GPATCH3: variants seen among roughly 807,000 people sequenced by gnomAD.
GPATCH3 encodes the protein G patch domain-containing protein 3.
Under a neutral mutation model 53.2 loss-of-function variants are expected in GPATCH3, and 45 were observed. The observed-to-expected ratio is 0.85, with a 90% CI of 0.67 to 1.08. GPATCH3 has a LOEUF of 1.08. Among genes scored for constraint, GPATCH3 ranks in the 50% least tolerant of loss-of-function variants. GPATCH3 has a pLI of 0.00. For synonymous variants in GPATCH3, 280 were observed against 270.6 expected (o/e 1.03, Z -0.34); for missense variants, 680 against 687.2 (o/e 0.99, Z 0.12).
rs267598527 is a variant in GPATCH3, at chr1:26,897,356, C to T, written c.821G>A (p.Gly274Glu). The T allele has an allele frequency of 6.2e-7, 1 of 1,614,190 alleles. No homozygotes were observed. Among genetic ancestry groups the T allele is most frequent in the South Asian group, 1.1e-5 (1 of 91,076 alleles). Residue 274 changes from glycine to glutamate, a missense_variant, in exon 2 of 7, where the codon GGA becomes GAA. Coordinates refer to ENST00000361720, the MANE Select transcript of GPATCH3 (RefSeq NM_022078.3). The stretch of plus-strand genomic sequence containing the variant: ...CTTCCCCACTTCTTCCTCAGGCTCT[C>T]CACAGGGGCTGGCTGGTATATCTGC... ...YLADIPASPC[G>E]EPEEEVGKEE...
chr1:26,896,158 C>T (rs2124024895), intron 2 of GPATCH3, among the ~76,000 whole-genome samples: 1 of 152,236 alleles, frequency 6.6e-6, no homozygotes, highest in Non-Finnish European at 1.5e-5. Context: ...CACATTATGA[C>T]AGCACGCACA....
At chr1:26,892,904 T>C in intron 4 of GPATCH3, 113 bp from the exon 5 acceptor site, 1 of 1,304,196 alleles carries the variant, frequency 7.7e-7, no homozygotes, top group Middle Eastern at 2.3e-4. Context: ...GTGTTCTGTA[T>C]CTCTCTCATT....
At position 26,900,455 on chromosome 1, in the gene GPATCH3, C is replaced by T. The variant is rs540130187; in HGVS notation, c.-13G>A. ...CGGGCACCGCCATCTTGGATTGTCACATGATCAGCTAGAACCAAGTCTCGC... is the reference window on the plus strand; with the variant it reads ...CGGGCACCGCCATCTTGGATTGTCATATGATCAGCTAGAACCAAGTCTCGC... On this transcript the variant is annotated 5_prime_UTR_variant, in exon 1 of 7. It adds an upstream start codon to the 5' untranslated region. Transcript: ENST00000361720. 6.2e-7 allele frequency: 1 copy of T among 1,603,470 alleles called. No individual in the cohort carries two copies. Among genetic ancestry groups the T allele is most frequent in the East Asian group, 2.2e-5 (1 of 44,718 alleles).
chr1:26,891,600 G>T (rs932298081), intron 6 of GPATCH3, among the ~76,000 whole-genome samples: 1 of 151,896 alleles, frequency 6.6e-6, no homozygotes, highest in Non-Finnish European at 1.5e-5. Context: ...AGGCTGGATT[G>T]TAATGGCGTG....
chr1:26,898,355 A>C (rs2081959900), intron 1 of GPATCH3, among the ~76,000 whole-genome samples: 1 of 151,942 alleles, frequency 6.6e-6, no homozygotes, highest in Admixed American at 6.6e-5. Context: ...TCACTCTGTC[A>C]CCCAGACTGG....
intron 3 of GPATCH3, among the ~76,000 whole-genome samples, 159 bp downstream of exon 3, chr1:26,894,077 T>G (rs888601634): frequency 3.9e-5 from 6 of 152,112 alleles, no homozygotes; most frequent in African/African-American, 1.4e-4. Context: ...TGATCCCCAC[T>G]CTTAAAAAGG....
intron 4 of GPATCH3, among the ~76,000 whole-genome samples, chr1:26,893,094 C>T (rs1045759581): frequency 6.6e-6 from 1 of 152,184 alleles, no homozygotes; most frequent in Non-Finnish European, 1.5e-5. Context: ...AAAATCTAAA[C>T]CCTTACTAGA....
Position 26,897,281 on chromosome 1 carries a change from G to A in GPATCH3, c.876+20C>T. On this transcript the variant is annotated intron_variant, in intron 2 of 6. Coordinates refer to ENST00000361720, the MANE Select transcript of GPATCH3 (RefSeq NM_022078.3). ...CCTCTTTCAGCTGCCAGCAAGGACA[G>A]GGTAGCACACTGTACTCACCTCATC... 1 of 1,611,000 alleles carries A rather than the reference G, an allele frequency of 6.2e-7. No homozygotes were observed. The highest frequency in any genetic ancestry group is 8.5e-7 in the Non-Finnish European group (1 of 1,177,924).
chr1:26,893,386 T>C lies in GPATCH3; in HGVS notation c.1111+3A>G, dbSNP rs202160959. 10 of 1,611,718 alleles carry C rather than the reference T, an allele frequency of 6.2e-6. No homozygotes were observed. Among genetic ancestry groups the C allele is most frequent in the African/African-American group, 1.3e-5 (1 of 74,884 alleles). On this transcript the variant is annotated splice_donor_region_variant and intron_variant, in intron 4 of 6. Transcript: ENST00000361720. ...TCCAGTATTGCCACTCCTTGCCCAG[T>C]ACCTCTGTCATAGTACACACTCATG...
Position 26,893,388 on chromosome 1 carries a change from CCT to C in GPATCH3, c.1110_1111del (p.Asp371TrpfsTer36), listed in dbSNP as rs2081936953. The C allele has an allele frequency of 6.2e-7, 1 of 1,611,954 alleles. No homozygotes were observed. Among genetic ancestry groups the C allele is most frequent in the African/African-American group, 1.3e-5 (1 of 74,898 alleles). On this transcript the variant is annotated frameshift_variant and splice_region_variant, in exon 4 of 7. Coordinates refer to ENST00000361720, the MANE Select transcript of GPATCH3 (RefSeq NM_022078.3). LOFTEE classifies it high-confidence loss of function. ...CAGTATTGCCACTCCTTGCCCAGTA[CCT>C]CTGTCATAGTACACACTCATGTCCA...
rs191910281 is a variant in GPATCH3 at position 26,894,427 on chromosome 1, G to A, written c.877-17C>T. The A allele has an allele frequency of 2.2e-4, 362 of 1,612,536 alleles. No homozygotes were observed. The African/African-American group carries it at 4.3e-3, about 19-fold the overall frequency. On this transcript the variant is annotated splice_polypyrimidine_tract_variant and intron_variant, in intron 2 of 6. Transcript: ENST00000361720. ...GTCATCGTCCTAAAAGGCAGGGAGA[G>A]GTGATTTGCCTGAGCTTCCTGACCT...
rs199785938 is a variant in GPATCH3 at position 26,893,460 on chromosome 1, G to A, written c.1052-12C>T. The A allele has an allele frequency of 6.5e-7, 1 of 1,545,832 alleles. No individual in the cohort carries two copies. The highest frequency in any genetic ancestry group is 1.7e-5 in the Admixed American group (1 of 57,582). ...CTGTTCATCAAAATCTGTAGGGACA[G>A]AAAAGCATCCAACAGAGTACATTAA... On this transcript the variant is annotated splice_polypyrimidine_tract_variant and intron_variant, in intron 3 of 6. Coordinates refer to ENST00000361720, the MANE Select transcript of GPATCH3 (RefSeq NM_022078.3).
intron 6 of GPATCH3, among the ~76,000 whole-genome samples, chr1:26,891,600 G>A (rs932298081): frequency 1.3e-5 from 2 of 151,896 alleles, no homozygotes; most frequent in South Asian, 2.1e-4. Flanking sequence ...AGGCTGGATT[G>A]TAATGGCGTG....
chr1:26,893,505 G>C (rs1167767081), intron 3 of GPATCH3, 57 bp from the exon 4 acceptor site: 17 of 814,142 alleles, frequency 2.1e-5, no homozygotes, highest in East Asian at 3.5e-5. Context: ...GTTCTATTAA[G>C]AGTTAAACCT....
Position 26,896,097 on chromosome 1 carries a change from T to C in GPATCH3, c.876+1204A>G, listed in dbSNP as rs189418228. 2.0e-5 allele frequency among the ~76,000 whole-genome samples: 3 copies of C among 152,316 alleles called. No homozygotes were observed. The South Asian group carries it at 6.2e-4, about 32-fold the overall frequency. On this transcript the variant is annotated intron_variant, in intron 2 of 6. Transcript: ENST00000361720. The stretch of plus-strand genomic sequence containing the variant: ...TCACTAATGAAGTGAGAGTGGAGGC[T>C]ACTGTTCAATCTGCTGACTCTAGGT...
chr1:26,894,490 A>G, intron 2 of GPATCH3, 80 bp from the exon 3 acceptor site: 2 of 1,357,482 alleles, frequency 1.5e-6, no homozygotes, highest in Non-Finnish European at 2.1e-6. Context: ...CACAGGAGGC[A>G]TGTGTGGCTA....
intron 3 of GPATCH3, 102 bp from the exon 4 acceptor site, chr1:26,893,550 T>G (rs981552836): frequency 1.1e-5 from 9 of 791,894 alleles, no homozygotes; most frequent in East Asian, 2.7e-5. Context: ...TTTTTTTTTT[T>G]GAGACAGAAT....
chr1:26,900,351 C>A lies in GPATCH3; in HGVS notation c.92G>T (p.Ser31Ile), dbSNP rs1255146118. 3.7e-6 allele frequency: 6 copies of A among 1,614,080 alleles called. No homozygotes were observed. Among genetic ancestry groups the A allele is most frequent in the South Asian group, 3.3e-5 (3 of 91,080 alleles). ...CTCTTCTCGGAACTGGCTAAAATAG[C>A]TCCGTAAATGGGCCGAGCGCAACAC... ...PSVLRSAHLR[S>I]YFSQFREERG... The change falls in exon 1 of 7, where the codon AGC becomes ATC. Residue 31 changes from serine to isoleucine, a missense_variant. Physicochemically the swap from Ser to Ile is moderately radical, Grantham distance 142. Transcript: ENST00000361720.
chr1:26,891,297 G>A, intron 6 of GPATCH3, 71 bp from the exon 7 acceptor site: 1 of 1,194,814 alleles, frequency 8.4e-7, no homozygotes, highest in Non-Finnish European at 1.2e-6. Flanking sequence ...GAGAGGACGG[G>A]GAAGTAGTTA....
Sources: gnomAD v4.1 joint callset for allele counts (sites outside exome capture counted in the v4.1 genomes callset) on GRCh38, gnomAD v4.1.1 for gene constraint, MANE v1.5 for transcripts, NCBI Gene and HGNC (gene_info 2026-07-23, HGNC 2026-07-21) for gene names.